XYLT1: variants seen among roughly 807,000 people sequenced by gnomAD.
The protein encoded by XYLT1 is xylosyltransferase 1.
In XYLT1, 36 loss-of-function variants were observed where a neutral mutation model predicts 91.3. The ratio of observed to expected loss-of-function variants is 0.39; its 90% CI spans 0.30 to 0.52. The LOEUF is 0.52. Ranked by LOEUF, XYLT1 falls within the 20% of genes least tolerant of loss-of-function variation. The pLI is 0.68. For synonymous variants in XYLT1, 588 were observed against 532.0 expected (o/e 1.11, Z -1.45); for missense variants, 1,242 against 1,284.5 (o/e 0.97, Z 0.51).
At chr16:17,468,368 G>C (rs1217640655) in intron 1 of XYLT1, among the ~76,000 whole-genome samples, 1 of 146,804 alleles carries the variant, frequency 6.8e-6, no homozygotes, top group Non-Finnish European at 1.5e-5. Context: ...AGAACCAAAA[G>C]AAAAAAAAAA....
intron 1 of XYLT1, among the ~76,000 whole-genome samples, chr16:17,433,736 A>G (rs1186015878): frequency 1.3e-5 from 2 of 152,164 alleles, no homozygotes; most frequent in South Asian, 2.1e-4. Flanking sequence ...ACTTAACAGC[A>G]TTTCCTCTAT....
At chr16:17,124,201 T>C (rs887873309) in intron 10 of XYLT1, among the ~76,000 whole-genome samples, 2 of 152,228 alleles carry the variant, frequency 1.3e-5, no homozygotes, top group African/African-American at 2.4e-5. Flanking sequence ...GTTTGTTTCA[T>C]TGTGTTGTTT....
At chr16:17,423,605 CTTTCT>C (rs1382601709) in intron 1 of XYLT1, among the ~76,000 whole-genome samples, 1 of 151,926 alleles carries the variant, frequency 6.6e-6, no homozygotes, top group Non-Finnish European at 1.5e-5. Flanking sequence ...ACTGTTATTT[CTTTCT>C]TTTTTCTCTT....
intron 3 of XYLT1, among the ~76,000 whole-genome samples, chr16:17,210,095 T>C (rs1189404897): frequency 2.0e-5 from 3 of 152,166 alleles, no homozygotes; most frequent in East Asian, 1.9e-4. Flanking sequence ...GGTCTCCCTA[T>C]GCTGCTCAGG....
At chr16:17,178,162 C>G (rs918304643) in intron 5 of XYLT1, among the ~76,000 whole-genome samples, 10 of 152,112 alleles carry the variant, frequency 6.6e-5, no homozygotes, top group African/African-American at 2.2e-4. Flanking sequence ...TGCAAACTGC[C>G]TGTCTCCTCT....
intron 3 of XYLT1, among the ~76,000 whole-genome samples, chr16:17,225,338 C>G (rs530452364): frequency 8.5e-5 from 13 of 152,122 alleles, no homozygotes; most frequent in Non-Finnish European, 1.8e-4. Flanking sequence ...GCAGGGCTCA[C>G]TACAGATGAA....
chr16:17,370,246 C>T (rs2035513559), intron 1 of XYLT1, among the ~76,000 whole-genome samples: 1 of 152,188 alleles, frequency 6.6e-6, no homozygotes. Flanking sequence ...CAGGCAAGAG[C>T]CTGAGATCCC....
intron 2 of XYLT1, among the ~76,000 whole-genome samples, chr16:17,318,941 C>A (rs1426372904): frequency 6.6e-6 from 1 of 152,090 alleles, no homozygotes; most frequent in African/African-American, 2.4e-5. Context: ...GCATGTGCCA[C>A]CATGCCGGGG....
chr16:17,431,426 GC>G lies in XYLT1; in HGVS notation c.363+39007del, dbSNP rs148955923. On this transcript the variant is annotated intron_variant, in intron 1 of 11. Transcript: ENST00000261381. ...GTGTCCAAGGACCCCACTTTGAGAAGCAAAAGAGCACCCCCAGAAAAGAAAA... is the reference window on the plus strand; with the variant it reads ...GTGTCCAAGGACCCCACTTTGAGAAGAAAAGAGCACCCCCAGAAAAGAAAA... 5.1e-3 allele frequency among the ~76,000 whole-genome samples: 774 copies of G among 152,302 alleles called. 3 individuals are homozygous for G. Among genetic ancestry groups the G allele is most frequent in the African/African-American group, 0.017 (726 of 41,554 alleles).
intron 11 of XYLT1, among the ~76,000 whole-genome samples, chr16:17,116,327 G>A (rs925821251): frequency 5.3e-5 from 8 of 152,208 alleles, no homozygotes; most frequent in Admixed American, 4.6e-4. Context: ...TGAATTTCAT[G>A]TTAATTTCAT....
intron 3 of XYLT1, chr16:17,250,023 C>T (rs1331579191): frequency 2.6e-5 from 4 of 152,310 alleles, no homozygotes; most frequent in Admixed American, 2.6e-4. Flanking sequence ...TCCTCTCATC[C>T]TGCTCAACGT....
At chr16:17,178,526 T>C (rs530869617) in intron 5 of XYLT1, among the ~76,000 whole-genome samples, 1 of 152,182 alleles carries the variant, frequency 6.6e-6, no homozygotes, top group Admixed American at 6.5e-5. Context: ...GCACTAAATT[T>C]GAAAGGGCTG....
At chr16:17,199,760 T>G (rs2032498520) in intron 4 of XYLT1, among the ~76,000 whole-genome samples, 1 of 152,198 alleles carries the variant, frequency 6.6e-6, no homozygotes, top group South Asian at 2.1e-4. Context: ...TTGTGAGGCT[T>G]CCCCAGCTGC....
At chr16:17,225,746 AT>A (rs1345532738) in intron 3 of XYLT1, among the ~76,000 whole-genome samples, 2 of 152,194 alleles carry the variant, frequency 1.3e-5, no homozygotes, top group Non-Finnish European at 2.9e-5. Flanking sequence ...GCTTAAAAAG[AT>A]TACTCAGAGA....
chr16:17,443,346 C>T (rs903445067), intron 1 of XYLT1, among the ~76,000 whole-genome samples: 8 of 152,152 alleles, frequency 5.3e-5, no homozygotes, highest in Non-Finnish European at 8.8e-5. Flanking sequence ...CTGTAATCCC[C>T]GTGTCGAGGG....
chr16:17,411,982 A>G (rs1021019456), intron 1 of XYLT1, among the ~76,000 whole-genome samples: 1 of 151,890 alleles, frequency 6.6e-6, no homozygotes, highest in African/African-American at 2.4e-5. Context: ...CTCTGGGCAC[A>G]TTTTCAGAAA....
rs1966769640 is a variant in XYLT1, at chr16:17,106,066, A to C, written c.*2629T>G. On this transcript the variant is annotated 3_prime_UTR_variant, in exon 12 of 12. Transcript: ENST00000261381. ...AATTAGTTGTGGTGAGGAAGAAATGAAGCCATGGGAAAAAGGGAAGGGTCC... is the reference window on the plus strand; with the variant it reads ...AATTAGTTGTGGTGAGGAAGAAATGCAGCCATGGGAAAAAGGGAAGGGTCC... 1 of 152,198 alleles carries C rather than the reference A, an allele frequency of 6.6e-6. No homozygotes were observed. The highest frequency in any genetic ancestry group is 1.5e-5 in the Non-Finnish European group (1 of 68,046). 9.4% of individuals were successfully genotyped at this position (152,198 alleles called of 1,614,324 possible). A position where few individuals can be genotyped will look rare whatever the true frequency, so the allele number is the denominator to read the frequency against.
chr16:17,360,618 C>T (rs1433011288), intron 1 of XYLT1, among the ~76,000 whole-genome samples: 1 of 152,190 alleles, frequency 6.6e-6, no homozygotes, highest in African/African-American at 2.4e-5. Flanking sequence ...TCTGCACACA[C>T]TGGAAATGGA....
intron 3 of XYLT1, among the ~76,000 whole-genome samples, chr16:17,252,257 G>C (rs991934863): frequency 6.6e-6 from 1 of 152,160 alleles, no homozygotes; most frequent in African/African-American, 2.4e-5. Flanking sequence ...ATGAGTTTTT[G>C]TGTCCATTTT....
Sources: gnomAD v4.1 joint callset for allele counts (sites outside exome capture counted in the v4.1 genomes callset) on GRCh38, gnomAD v4.1.1 for gene constraint, MANE v1.5 for transcripts, NCBI Gene and HGNC (gene_info 2026-07-23, HGNC 2026-07-21) for gene names.